Variants in PDE8B observed in about 807,000 individuals in gnomAD.
PDE8B encodes high affinity cAMP-specific and IBMX-insensitive 3',5'-cyclic phosphodiesterase 8B.
Under a neutral mutation model 101.3 loss-of-function variants are expected in PDE8B, and 26 were observed. That is an observed-to-expected ratio of 0.26 (90% CI 0.19 to 0.36). The LOEUF is 0.36. Among genes scored for constraint, PDE8B ranks in the 10% least tolerant of loss-of-function variants. The pLI is 1.00. For synonymous variants in PDE8B, 424 were observed against 429.3 expected, an observed-to-expected ratio of 0.99 and a Z score of 0.15; for missense variants, 810 against 1,163.1, an observed-to-expected ratio of 0.70 and a Z score of 4.42.
the PDE8B span, among the ~76,000 whole-genome samples, chr5:77,094,106 G>C: frequency 9.2e-5 from 14 of 151,972 alleles, no homozygotes; most frequent in African/African-American, 3.4e-4. Context: ...AAGAATATGA[G>C]GGGACTTCAA....
chr5:77,253,783 A>G (rs937569761), intron 1 of PDE8B, among the ~76,000 whole-genome samples: 3 of 152,136 alleles, frequency 2.0e-5, no homozygotes, highest in Non-Finnish European at 4.4e-5. Context: ...AGGTGATATC[A>G]TTGGTCACAA....
chr5:77,184,256 G>A, the PDE8B span, among the ~76,000 whole-genome samples: 2 of 152,150 alleles, frequency 1.3e-5, no homozygotes, highest in African/African-American at 2.4e-5. Context: ...GTGAGCCACC[G>A]TGCTGGCCAG....
the PDE8B span, among the ~76,000 whole-genome samples, chr5:77,116,224 A>ATATATTTTTTTTTTT: frequency 3.4e-5 from 2 of 59,608 alleles, no homozygotes; most frequent in African/African-American, 1.4e-4. Flanking sequence ...ATATATATAT[A>ATATATTTTTTTTTTT]TTTTTTTTTT....
At chr5:77,299,225 G>C (rs984703075) in intron 1 of PDE8B, among the ~76,000 whole-genome samples, 11 of 151,292 alleles carry the variant, frequency 7.3e-5, no homozygotes, top group Admixed American at 4.6e-4. Flanking sequence ...GCAAGATTGG[G>C]AACATGAGAG....
intron 9 of PDE8B, among the ~76,000 whole-genome samples, chr5:77,352,811 A>G (rs144884772): frequency 6.6e-6 from 1 of 152,196 alleles, no homozygotes; most frequent in African/African-American, 2.4e-5. Context: ...TGTGACAGTG[A>G]TAAAGAGTGA....
intron 20 of PDE8B, 86 bp downstream of exon 20, chr5:77,422,074 T>C: frequency 2.8e-6 from 4 of 1,409,572 alleles, no homozygotes; most frequent in Non-Finnish European, 3.9e-6. Flanking sequence ...TCCAGCTGAG[T>C]AACTTTTTAC....
intron 5 of PDE8B, 65 bp downstream of exon 5, chr5:77,331,524 C>T: frequency 7.9e-7 from 1 of 1,265,320 alleles, no homozygotes; most frequent in Non-Finnish European, 1.2e-6. Flanking sequence ...TCTCCCATAA[C>T]AGGGAAGCAA....
At chr5:77,120,461 T>C in the PDE8B span, among the ~76,000 whole-genome samples, 9 of 152,258 alleles carry the variant, frequency 5.9e-5, no homozygotes, top group Non-Finnish European at 1.2e-4. Context: ...TAGTTAATGA[T>C]ATGCATGCTG....
At chr5:77,284,439 A>G (rs555617754) in intron 1 of PDE8B, among the ~76,000 whole-genome samples, 12 of 152,246 alleles carry the variant, frequency 7.9e-5, no homozygotes, top group African/African-American at 2.9e-4. Context: ...ATCTTCTAGG[A>G]GTTTTATAGT....
In PDE8B at chr5:77,211,200, G is replaced by A. The variant is rs774990838; in HGVS notation, c.275G>A (p.Gly92Asp). The A allele has an allele frequency of 6.4e-6, 10 of 1,564,248 alleles. No homozygotes were observed. The highest frequency in any genetic ancestry group is 7.7e-6 in the Non-Finnish European group (9 of 1,163,340). The change falls in exon 1 of 22, where the codon GGC becomes GAC. Residue 92 changes from glycine to aspartate, a missense_variant. Coordinates refer to ENST00000264917, the MANE Select transcript of PDE8B (RefSeq NM_003719.5). The surrounding 1 kb of genome is among the most constrained non-coding windows in gnomAD (Gnocchi z 4.1). ...GCCCCCGCCGCGACCACCAGCAGGGGCCGGAGGCGCCACTGCTGCAGCAGC... is the reference window on the plus strand; with the variant it reads ...GCCCCCGCCGCGACCACCAGCAGGGACCGGAGGCGCCACTGCTGCAGCAGC... ...SAAPAATTSR[G>D]RRRHCCSSAE...
At chr5:77,356,043 G>A (rs1057140275) in intron 10 of PDE8B, among the ~76,000 whole-genome samples, 1 of 152,172 alleles carries the variant, frequency 6.6e-6, no homozygotes, top group Non-Finnish European at 1.5e-5. Context: ...TTACCCTCTG[G>A]TCCTGCACAG....
chr5:77,396,273 T>C (rs952447028), intron 10 of PDE8B, among the ~76,000 whole-genome samples: 1 of 152,210 alleles, frequency 6.6e-6, no homozygotes, highest in African/African-American at 2.4e-5. Context: ...CAGAGGTACT[T>C]TCTGTTGCCC....
intron 1 of PDE8B, among the ~76,000 whole-genome samples, chr5:77,224,150 G>A (rs1751827530): frequency 6.6e-6 from 1 of 152,112 alleles, no homozygotes; most frequent in South Asian, 2.1e-4. Context: ...CTATGGCTTA[G>A]CTTCTTTAAT....
intron 1 of PDE8B, among the ~76,000 whole-genome samples, chr5:77,215,676 A>C (rs935629794): frequency 6.6e-6 from 1 of 152,226 alleles, no homozygotes; most frequent in African/African-American, 2.4e-5. Flanking sequence ...AGCAGGACAG[A>C]ATATGCTGGT....
At chr5:77,132,256 A>G in the PDE8B span, among the ~76,000 whole-genome samples, 1 of 152,130 alleles carries the variant, frequency 6.6e-6, no homozygotes, top group Non-Finnish European at 1.5e-5. Context: ...CATATTTTCT[A>G]ATTCCACTTT....
At chr5:77,391,564 C>G (rs550097228) in intron 10 of PDE8B, among the ~76,000 whole-genome samples, 11 of 152,324 alleles carry the variant, frequency 7.2e-5, no homozygotes, top group African/African-American at 2.4e-4. Context: ...GAATTGGTAC[C>G]TGTCATCCCT....
chr5:77,167,103 T>C, the PDE8B span, among the ~76,000 whole-genome samples: 1 of 152,216 alleles, frequency 6.6e-6, no homozygotes, highest in Non-Finnish European at 1.5e-5. Flanking sequence ...CCTGGCAGCA[T>C]GTGAATTGGG....
the PDE8B span, among the ~76,000 whole-genome samples, chr5:77,178,269 T>G: frequency 2.6e-5 from 4 of 152,252 alleles, no homozygotes; most frequent in South Asian, 4.1e-4. Context: ...TTTAACTTAT[T>G]TATTTTTCTT....
At chr5:77,238,805 G>A (rs1245363855) in intron 1 of PDE8B, among the ~76,000 whole-genome samples, 1 of 152,212 alleles carries the variant, frequency 6.6e-6, no homozygotes. Context: ...CAGAGAACCA[G>A]GAGCACTGAT....
Sources: allele counts gnomAD v4.1 joint callset (sites outside exome capture counted in the v4.1 genomes callset), GRCh38; gene constraint gnomAD v4.1.1; non-coding constraint Gnocchi (gnomAD v3.1); transcripts MANE v1.5; gene names NCBI Gene and HGNC (gene_info 2026-07-23, HGNC 2026-07-21).